Variants in TYW1B observed in about 807,000 individuals in gnomAD.
TYW1B encodes the protein S-adenosyl-L-methionine-dependent tRNA 4-demethylwyosine synthase TYW1B.
In TYW1B, 73 loss-of-function variants were observed where a neutral mutation model predicts 86.9. That is an observed-to-expected ratio of 0.84 (90% CI 0.70 to 1.02). The LOEUF is 1.02. TYW1B is among the 50% of genes least tolerant of loss of function. The pLI is 0.00. For missense variants in TYW1B, 637 were observed against 827.4 expected (o/e 0.77, Z 2.82); for synonymous variants, 248 against 292.8 (o/e 0.85, Z 1.56).
At chr7:72,827,013 A>G (rs1788946033) in intron 1 of TYW1B, 28 bp from the exon 2 acceptor site, 1 of 1,586,942 alleles carries the variant, frequency 6.3e-7, no homozygotes, top group Non-Finnish European at 8.6e-7. Context: ...CACACAGATA[A>G]TTTCATTTAA....
chr7:72,582,235 C>T (rs1292532573), intron 13 of TYW1B, among the ~76,000 whole-genome samples: 2 of 151,952 alleles, frequency 1.3e-5, no homozygotes, highest in African/African-American at 2.4e-5. Flanking sequence ...ACATGAGTTT[C>T]CACATTAAAG....
intron 6 of TYW1B, among the ~76,000 whole-genome samples, chr7:72,789,132 G>GA (rs1788177233): frequency 6.6e-6 from 1 of 151,422 alleles, no homozygotes; most frequent in Non-Finnish European, 1.5e-5. Flanking sequence ...AGCCCGGCCT[G>GA]GTGCAGACGT....
intron 11 of TYW1B, among the ~76,000 whole-genome samples, chr7:72,646,634 A>G (rs529004998): frequency 6.6e-5 from 10 of 152,322 alleles, no homozygotes; most frequent in Non-Finnish European, 1.3e-4. Flanking sequence ...TCGGCCTCCC[A>G]GAGTGCTGGG....
chr7:72,628,342 G>A (rs1400125743), intron 12 of TYW1B, among the ~76,000 whole-genome samples: 1 of 152,092 alleles, frequency 6.6e-6, no homozygotes, highest in Non-Finnish European at 1.5e-5. Flanking sequence ...AAATCTTTTA[G>A]GAATATATGC....
At chr7:72,656,117 T>G (rs1254675033) in intron 11 of TYW1B, among the ~76,000 whole-genome samples, 11 of 152,242 alleles carry the variant, frequency 7.2e-5, no homozygotes, top group African/African-American at 2.6e-4. Flanking sequence ...TACAAATGAT[T>G]GGGCTGATAT....
intron 11 of TYW1B, among the ~76,000 whole-genome samples, chr7:72,648,812 A>G (rs1426015508): frequency 1.3e-5 from 2 of 152,172 alleles, no homozygotes; most frequent in Admixed American, 1.3e-4. Flanking sequence ...GGGTGAAACC[A>G]CAAGAAGAGA....
chr7:72,602,205 T>G (rs188915184), intron 13 of TYW1B, among the ~76,000 whole-genome samples: 1 of 152,120 alleles, frequency 6.6e-6, no homozygotes, highest in African/African-American at 2.4e-5. Flanking sequence ...TCTGCAAGAC[T>G]AGAGGCAAAA....
chr7:72,680,947 T>G (rs746357382), intron 11 of TYW1B, among the ~76,000 whole-genome samples: 33 of 152,236 alleles, frequency 2.2e-4, no homozygotes, highest in Non-Finnish European at 4.3e-4. Context: ...TTTAATCATA[T>G]ACACAAAAAT....
intron 11 of TYW1B, among the ~76,000 whole-genome samples, chr7:72,654,597 T>C (rs1813153019): frequency 6.6e-6 from 1 of 152,184 alleles, no homozygotes; most frequent in African/African-American, 2.4e-5. Flanking sequence ...ATACTGGTTA[T>C]AGGCCGGGCA....
At chr7:72,739,143 C>T (rs1284390569) in intron 8 of TYW1B, among the ~76,000 whole-genome samples, 1 of 152,020 alleles carries the variant, frequency 6.6e-6, no homozygotes, top group East Asian at 1.9e-4. Context: ...TTTACATGAT[C>T]TGTCAATTGA....
intron 8 of TYW1B, among the ~76,000 whole-genome samples, chr7:72,731,028 C>T (rs1184021282): frequency 1.4e-5 from 2 of 147,508 alleles, no homozygotes; most frequent in Admixed American, 6.8e-5. Context: ...AAAAGCATCA[C>T]GTCACATGTA....
chr7:72,733,475 C>T (rs1302388350), intron 8 of TYW1B, among the ~76,000 whole-genome samples: 11 of 151,920 alleles, frequency 7.2e-5, no homozygotes, highest in East Asian at 1.9e-4. Flanking sequence ...CTGGCTAATA[C>T]GGTGAAACCC....
intron 11 of TYW1B, among the ~76,000 whole-genome samples, chr7:72,692,967 C>T (rs1159097896): frequency 1.3e-5 from 2 of 152,002 alleles, no homozygotes; most frequent in Non-Finnish European, 2.9e-5. Context: ...TCAAAGTAAG[C>T]GCTGGGCACA....
At chr7:72,726,281 TACCTACAG>T (rs1245818720) in intron 9 of TYW1B, among the ~76,000 whole-genome samples, 2 of 152,128 alleles carry the variant, frequency 1.3e-5, no homozygotes, top group Admixed American at 6.6e-5. Context: ...AAAGTCAGCC[TACCTACAG>T]ATATACACAA....
intron 11 of TYW1B, among the ~76,000 whole-genome samples, chr7:72,683,555 G>C (rs1484248133): frequency 6.6e-6 from 1 of 152,130 alleles, no homozygotes; most frequent in Non-Finnish European, 1.5e-5. Context: ...GAGTGACAGA[G>C]CAAGACTCCG....
rs782384124 is a variant in TYW1B at position 72,575,462 on chromosome 7, A to G, written c.*36T>C. The G allele has an allele frequency of 9.5e-6, 15 of 1,585,148 alleles. No homozygotes were observed. The highest frequency in any genetic ancestry group is 1.3e-5 in the Non-Finnish European group (15 of 1,168,580). On this transcript the variant is annotated 3_prime_UTR_variant, in exon 14 of 14. Transcript: ENST00000620995. ...TTCAAGAACCTTTTGAGGCCATCCA[A>G]GTTTTTGTCCTTCAGTACCTTGAAA...
intron 6 of TYW1B, among the ~76,000 whole-genome samples, chr7:72,781,610 G>C (rs1466981043): frequency 1.3e-5 from 2 of 152,150 alleles, no homozygotes; most frequent in Non-Finnish European, 2.9e-5. Flanking sequence ...CAGTAAAACA[G>C]TTCTAGGGTT....
intron 7 of TYW1B, among the ~76,000 whole-genome samples, chr7:72,755,425 C>T (rs1014296591): frequency 3.3e-5 from 5 of 152,106 alleles, no homozygotes; most frequent in Non-Finnish European, 7.4e-5. Context: ...CCTGTAATCC[C>T]AGCACTTTGG....
At chr7:72,809,258 T>A (rs1243493280) in intron 4 of TYW1B, among the ~76,000 whole-genome samples, 1 of 151,914 alleles carries the variant, frequency 6.6e-6, no homozygotes, top group Non-Finnish European at 1.5e-5. Context: ...TTAGCCACGA[T>A]GATCTCGATC....
Sources: gnomAD v4.1 joint callset for allele counts (sites outside exome capture counted in the v4.1 genomes callset) on GRCh38, gnomAD v4.1.1 for gene constraint, MANE v1.5 for transcripts, NCBI Gene and HGNC (gene_info 2026-07-23, HGNC 2026-07-21) for gene names.